AMBN: variants seen among roughly 807,000 people sequenced by gnomAD.
AMBN encodes enamel matrix protein.
Under a neutral mutation model 48.0 loss-of-function variants are expected in AMBN, and 54 were observed. The ratio of observed to expected loss-of-function variants is 1.12; its 90% confidence interval spans 0.90 to 1.41. The LOEUF is 1.41. Ranked by LOEUF, AMBN falls within the 40% of genes most tolerant of loss-of-function variation. The probability of loss-of-function intolerance (pLI) is 0.00; values close to 1 mark genes in which losing one functional copy is unlikely to be tolerated. For missense variants in AMBN, 571 were observed against 547.3 expected (o/e 1.04, Z -0.43); for synonymous variants, 186 against 190.0 (o/e 0.98, Z 0.17).
chr4:70,603,224 G>T, intron 9 of AMBN, 36 bp from the exon 10 acceptor site: 1 of 1,595,058 alleles, frequency 6.3e-7, no homozygotes, highest in Non-Finnish European at 8.6e-7. Context: ...GGATGTGCCT[G>T]TGAGAATTAC....
At chr4:70,596,648 G>T (rs575990541) in intron 2 of AMBN, among the ~76,000 whole-genome samples, 42 of 152,200 alleles carry the variant, frequency 2.8e-4, no homozygotes, top group African/African-American at 9.4e-4. Context: ...TTTTTCTGTG[G>T]TAATTTTTAA....
At chr4:70,595,362 A>G (rs1412560719) in intron 2 of AMBN, among the ~76,000 whole-genome samples, 2 of 151,720 alleles carry the variant, frequency 1.3e-5, no homozygotes, top group Non-Finnish European at 2.9e-5. Context: ...TAATTTTTGT[A>G]TTTTTGTAGA....
chr4:70,607,219 ATAGAG>A lies in AMBN; in HGVS notation c.*492_*496del, dbSNP rs1374279165. 1.3e-5 allele frequency: 2 copies of A among 152,784 alleles called. No individual in the cohort carries two copies. The highest frequency in any genetic ancestry group is 2.9e-5 in the Non-Finnish European group (2 of 68,182). The allele number at this position is 152,784 out of a possible 1,614,324, so 9.5% of individuals were successfully genotyped here. ...ATAATTTAATTTAAAATTCTCATTT[ATAGAG>A]TATTTTATTTAATCTAGTATAAAAA... is the stretch of plus-strand genomic sequence containing the variant. On this transcript the variant is annotated 3_prime_UTR_variant, in exon 13 of 13. Coordinates refer to ENST00000322937, the MANE Select transcript of AMBN (RefSeq NM_016519.6).
At chr4:70,593,206 T>A (rs1398640159) in intron 1 of AMBN, 121 bp from the exon 2 acceptor site, 12 of 696,226 alleles carry the variant, frequency 1.7e-5, no homozygotes, top group Non-Finnish European at 2.9e-5. Context: ...TTTGTTCTTC[T>A]AACCTTTATC....
At chr4:70,605,698 A>C (rs1014438717) in intron 12 of AMBN, among the ~76,000 whole-genome samples, 2 of 152,116 alleles carry the variant, frequency 1.3e-5, no homozygotes, top group African/African-American at 4.8e-5. Context: ...TGAGGCAAGA[A>C]GATCACTTGA....
At chr4:70,598,994 C>T (rs1043097455) in intron 4 of AMBN, among the ~76,000 whole-genome samples, 29 of 149,730 alleles carry the variant, frequency 1.9e-4, no homozygotes, top group African/African-American at 7.2e-4. Flanking sequence ...AGGCTGATCT[C>T]GAATGCCTGA....
chr4:70,594,207 A>C (rs2109799139), intron 2 of AMBN, among the ~76,000 whole-genome samples: 1 of 152,342 alleles, frequency 6.6e-6, no homozygotes, highest in Non-Finnish European at 1.5e-5. Flanking sequence ...CTGAGAGCTG[A>C]AGTTTCATAA....
At chr4:70,596,426 G>A (rs989659830) in intron 2 of AMBN, among the ~76,000 whole-genome samples, 2 of 152,020 alleles carry the variant, frequency 1.3e-5, no homozygotes, top group Non-Finnish European at 2.9e-5. Flanking sequence ...AAAAACCTTT[G>A]ATATGATCCC....
Position 70,592,268 on chromosome 4 carries a change from G to A in AMBN, c.-91G>A. 2.5e-6 allele frequency: 3 copies of A among 1,218,554 alleles called. No individual in the cohort carries two copies. The highest frequency in any genetic ancestry group is 3.6e-6 in the Non-Finnish European group (3 of 839,388). 75.5% of individuals were successfully genotyped at this position (1,218,554 alleles called of 1,614,324 possible). A position where few individuals can be genotyped will look rare whatever the true frequency, so the allele number is the denominator to read the frequency against. On this transcript the variant is annotated 5_prime_UTR_variant, in exon 1 of 13. Transcript: ENST00000322937. ...ATCTTCCCTGAATGAGAAGTACAGA[G>A]CAAGTCCCACGCACAGTCCTGAAAA...
intron 2 of AMBN, among the ~76,000 whole-genome samples, chr4:70,594,931 G>T (rs1354788367): frequency 6.6e-6 from 1 of 152,042 alleles, no homozygotes; most frequent in Non-Finnish European, 1.5e-5. Context: ...GTATACATTC[G>T]TGTAAATATT....
At chr4:70,600,510 C>T (rs35936034) in intron 5 of AMBN, among the ~76,000 whole-genome samples, 22,231 of 152,004 alleles carry the variant, frequency 0.15, 2,062 homozygotes, top group Non-Finnish European at 0.21. Context: ...TAGGACAAGA[C>T]AACATATTTC....
chr4:70,604,387 A>G (rs565347250), intron 12 of AMBN, among the ~76,000 whole-genome samples: 3 of 152,328 alleles, frequency 2.0e-5, no homozygotes, highest in South Asian at 4.1e-4. Context: ...ATAAATGTCA[A>G]TGTGCATTGT....
intron 11 of AMBN, 61 bp from the exon 12 acceptor site, chr4:70,603,816 G>T: frequency 1.3e-6 from 2 of 1,570,342 alleles, no homozygotes; most frequent in Non-Finnish European, 1.8e-6. Context: ...TTTTAACTTT[G>T]TCTTGAGTAG....
chr4:70,597,044 C>T lies in AMBN; in HGVS notation c.130C>T (p.Leu44Phe). The T allele has an allele frequency of 1.9e-6, 3 of 1,612,862 alleles. No individual in the cohort carries two copies. The highest frequency in any genetic ancestry group is 2.5e-6 in the Non-Finnish European group (3 of 1,179,130). Reference protein sequence around the residue: ...SGTPGMASLSLETMRQLGSLQ... With the variant: ...SGTPGMASLSFETMRQLGSLQ... ...AACACCGGGTATGGCTAGTTTGAGC[C>T]TTGAGGTATGTATTGTCAGAATTTT... Residue 44 changes from leucine (L) to phenylalanine (F), a missense_variant, in exon 3 of 13, where the codon CTT becomes TTT. Physicochemically the swap from Leu to Phe is conservative, Grantham distance 22. Transcript: ENST00000322937.
In AMBN at chr4:70,598,406, A is replaced by G. The variant is rs764283468; in HGVS notation, c.183+3A>G. On this transcript the variant is annotated splice_donor_region_variant and intron_variant, in intron 4 of 12. Transcript: ENST00000322937. The stretch of plus-strand genomic sequence containing the variant: ...AGAGATTAAACACACTTTCTCAGGT[A>G]ATCATATTTCTTATTGCAAGTATTC... The G allele has an allele frequency of 6.3e-7, 1 of 1,586,296 alleles. No homozygotes were observed. Among genetic ancestry groups the G allele is most frequent in the South Asian group, 1.2e-5 (1 of 85,886 alleles).
At chr4:70,598,229 T>A in intron 3 of AMBN, 127 bp from the exon 4 acceptor site, 1 of 512,550 alleles carries the variant, frequency 2.0e-6, no homozygotes, top group Non-Finnish European at 3.3e-6. Flanking sequence ...ATGATTTGTG[T>A]CTACTTTCAT....
intron 9 of AMBN, 83 bp downstream of exon 9, chr4:70,603,093 C>T: frequency 6.8e-7 from 1 of 1,462,758 alleles, no homozygotes; most frequent in Non-Finnish European, 9.3e-7. Flanking sequence ...TTTCATTGTC[C>T]CATTTATCCA....
Position 70,601,545 on chromosome 4 carries a change from A to C in AMBN, c.422A>C (p.Lys141Thr). 6.2e-7 allele frequency: 1 copy of C among 1,614,168 alleles called. No homozygotes were observed. Among genetic ancestry groups the C allele is most frequent in the Middle Eastern group, 1.6e-4 (1 of 6,062 alleles). The change falls in exon 6 of 13, where the codon AAA (lysine) becomes ACA (threonine). Residue 141 changes from lysine (K) to threonine (T), a missense_variant. Physicochemically the swap from Lys to Thr is moderately conservative, Grantham distance 78. Transcript: ENST00000322937. The stretch of plus-strand genomic sequence containing the variant: ...ACCACCAACCAGGCCACAGCACTGA[A>C]AGAAGCACTTCAGCCTCCAATTCAC... ...AATTNQATAL[K>T]EALQPPIHLG...
Position 70,599,655 on chromosome 4 carries a change from A to C in AMBN, c.294+9A>C. On this transcript the variant is annotated intron_variant, in intron 5 of 12. Coordinates refer to ENST00000322937, the MANE Select transcript of AMBN (RefSeq NM_016519.6). The stretch of plus-strand genomic sequence containing the variant: ...AACATGAAACTCAACAGGTGAGTGA[A>C]TAGCATCAATATGTTTGAAACCTCA... 6.3e-7 allele frequency: 1 copy of C among 1,576,156 alleles called. No individual in the cohort carries two copies. The highest frequency in any genetic ancestry group is 8.7e-7 in the Non-Finnish European group (1 of 1,150,910).
Sources: allele counts gnomAD v4.1 joint callset (sites outside exome capture counted in the v4.1 genomes callset), GRCh38; gene constraint gnomAD v4.1.1; transcripts MANE v1.5; gene names NCBI Gene and HGNC (gene_info 2026-07-23, HGNC 2026-07-21).